Variants in FIP1L1 observed in about 807,000 individuals in gnomAD.
FIP1L1 encodes pre-mRNA 3'-end-processing factor FIP1.
In FIP1L1, 21 loss-of-function variants were observed where a neutral mutation model predicts 84.6. The observed-to-expected ratio is 0.25, with a 90% CI of 0.18 to 0.36. The LOEUF is 0.36. Ranked by LOEUF, FIP1L1 falls within the 10% of genes least tolerant of loss-of-function variation. FIP1L1 has a pLI of 1.00. For missense variants in FIP1L1, 526 were observed against 751.1 expected (o/e 0.70, Z 3.50); for synonymous variants, 263 against 242.3 (o/e 1.09, Z -0.80).
intron 13 of FIP1L1, among the ~76,000 whole-genome samples, chr4:53,434,299 G>A (rs1314875926): frequency 2.0e-5 from 3 of 152,086 alleles, no homozygotes; most frequent in Non-Finnish European, 4.4e-5. Flanking sequence ...TTAGTGGGAA[G>A]TGGTCTTATT....
chr4:53,457,101 T>C (rs189593716), intron 16 of FIP1L1, among the ~76,000 whole-genome samples: 1 of 152,276 alleles, frequency 6.6e-6, no homozygotes, highest in East Asian at 1.9e-4. Flanking sequence ...CTGTCATTTA[T>C]TGAGTGCCTA....
chr4:53,389,269 T>G (rs367760451), intron 5 of FIP1L1, among the ~76,000 whole-genome samples: 24 of 152,314 alleles, frequency 1.6e-4, no homozygotes, highest in Middle Eastern at 3.4e-3. Context: ...CCACTAGATT[T>G]GACAACAAGT....
chr4:53,399,970 A>G (rs1749391948), intron 10 of FIP1L1, 131 bp downstream of exon 10: 2 of 605,260 alleles, frequency 3.3e-6, no homozygotes, highest in Non-Finnish European at 5.6e-6. Flanking sequence ...GTTTAGTACA[A>G]AATGAATTCT....
chr4:53,400,656 C>G (rs1165564071), intron 10 of FIP1L1, among the ~76,000 whole-genome samples: 1 of 152,160 alleles, frequency 6.6e-6, no homozygotes, highest in Non-Finnish European at 1.5e-5. Flanking sequence ...TTAGAATAAT[C>G]TAATGCAGGA....
Position 53,460,837 on chromosome 4 carries a change from G to GATAA in FIP1L1, c.*1392_*1395dup. The GATAA allele has an allele frequency of 3.7e-6, 5 of 1,353,734 alleles. No individual in the cohort carries two copies. Among genetic ancestry groups the GATAA allele is most frequent in the Non-Finnish European group, 5.1e-6 (5 of 982,144 alleles). 83.9% of individuals were successfully genotyped at this position (1,353,734 alleles called of 1,614,324 possible). A position where few individuals can be genotyped will look rare whatever the true frequency, so the allele number is the denominator to read the frequency against. On this transcript the variant is annotated 3_prime_UTR_variant, in exon 18 of 18. Transcript: ENST00000337488. ...TTTCTTTAAATATAAAAACTGACAA[G>GATAA]ATAAATATAGTGTTTCAACTTCTTA...
intron 11 of FIP1L1, among the ~76,000 whole-genome samples, chr4:53,420,977 C>T (rs963013082): frequency 1.3e-5 from 2 of 152,066 alleles, no homozygotes; most frequent in Non-Finnish European, 2.9e-5. Flanking sequence ...CAACTTTGAC[C>T]ATATTGGAAT....
intron 10 of FIP1L1, among the ~76,000 whole-genome samples, chr4:53,403,869 G>A (rs1336124463): frequency 2.0e-5 from 3 of 152,092 alleles, no homozygotes; most frequent in Non-Finnish European, 4.4e-5. Context: ...TCAGAAAGCC[G>A]TAGTGGATTA....
At chr4:53,444,969 G>T (rs1163175691) in intron 15 of FIP1L1, among the ~76,000 whole-genome samples, 1 of 152,082 alleles carries the variant, frequency 6.6e-6, no homozygotes, top group Non-Finnish European at 1.5e-5. Flanking sequence ...GGAGTTAGAG[G>T]GTGTCATGGG....
chr4:53,419,107 G>A (rs1761067976), intron 11 of FIP1L1, among the ~76,000 whole-genome samples: 1 of 152,122 alleles, frequency 6.6e-6, no homozygotes, highest in African/African-American at 2.4e-5. Context: ...ATGAAATTAA[G>A]CATAAATATG....
chr4:53,409,979 C>G (rs1756265263), intron 10 of FIP1L1, among the ~76,000 whole-genome samples: 1 of 152,262 alleles, frequency 6.6e-6, no homozygotes, highest in Non-Finnish European at 1.5e-5. Flanking sequence ...TTGGCTCGCC[C>G]ATGGTGCGCT....
chr4:53,412,708 C>T (rs1757753750), intron 10 of FIP1L1, among the ~76,000 whole-genome samples: 1 of 151,946 alleles, frequency 6.6e-6, no homozygotes, highest in African/African-American at 2.4e-5. Context: ...AATTCTAATG[C>T]CTTAGTTGTG....
intron 11 of FIP1L1, among the ~76,000 whole-genome samples, chr4:53,425,189 A>G (rs892308166): frequency 1.1e-4 from 16 of 152,256 alleles, no homozygotes; most frequent in African/African-American, 3.4e-4. Context: ...TTATCTGCAT[A>G]ATAGCTTTTA....
intron 15 of FIP1L1, among the ~76,000 whole-genome samples, chr4:53,451,225 C>A (rs1715716627): frequency 6.6e-6 from 1 of 151,950 alleles, no homozygotes; most frequent in Non-Finnish European, 1.5e-5. Flanking sequence ...CCCACCTCTG[C>A]CTCCCAAAGT....
Position 53,385,994 on chromosome 4 carries a change from A to G in FIP1L1, c.332+2118A>G, listed in dbSNP as rs1740834296. On this transcript the variant is annotated intron_variant, in intron 5 of 17. Coordinates refer to ENST00000337488, the MANE Select transcript of FIP1L1 (RefSeq NM_030917.4). ...TTTAAAGAACAAACTGTGTCCAAGG[A>G]CTGAATTGATTTATTGTAAATTGTT... 2.0e-5 allele frequency among the ~76,000 whole-genome samples: 3 copies of G among 151,930 alleles called. No individual in the cohort carries two copies. The South Asian group carries it at 6.2e-4, about 32-fold the overall frequency.
In FIP1L1 at chr4:53,460,839, TA is replaced by T; in HGVS notation, c.*1393del. Reference sequence around the variant, plus strand: ...TCTTTAAATATAAAAACTGACAAGATAAATATAGTGTTTCAACTTCTTAGCC... The same window carrying T: ...TCTTTAAATATAAAAACTGACAAGATAATATAGTGTTTCAACTTCTTAGCC... On this transcript the variant is annotated 3_prime_UTR_variant, in exon 18 of 18. Transcript: ENST00000337488. 1 of 1,370,896 alleles carries T rather than the reference TA, an allele frequency of 7.3e-7. No homozygotes were observed. The highest frequency in any genetic ancestry group is 1.0e-6 in the Non-Finnish European group (1 of 994,572). The allele number at this position is 1,370,896 out of a possible 1,614,324, so 84.9% of individuals were successfully genotyped here.
intron 10 of FIP1L1, among the ~76,000 whole-genome samples, chr4:53,405,191 T>C (rs1291480071): frequency 2.0e-5 from 3 of 152,128 alleles, no homozygotes; most frequent in African/African-American, 7.2e-5. Flanking sequence ...TTGTATAAGG[T>C]GTAAGGAAGG....
At chr4:53,427,778 T>A (rs1156384069) in intron 12 of FIP1L1, among the ~76,000 whole-genome samples, 1 of 152,214 alleles carries the variant, frequency 6.6e-6, no homozygotes, top group African/African-American at 2.4e-5. Flanking sequence ...AAATTTTTGG[T>A]AATGATCCAG....
intron 9 of FIP1L1, among the ~76,000 whole-genome samples, chr4:53,394,242 A>T (rs756975582): frequency 6.6e-6 from 1 of 151,974 alleles, no homozygotes; most frequent in East Asian, 1.9e-4. Flanking sequence ...TCTGTTTTCA[A>T]CTTGATTATT....
intron 13 of FIP1L1, among the ~76,000 whole-genome samples, chr4:53,433,869 C>G (rs1767864855): frequency 1.3e-5 from 2 of 151,440 alleles, no homozygotes; most frequent in South Asian, 4.1e-4. Flanking sequence ...TCATCTAGTA[C>G]TACTAATTTC....
Sources: gnomAD v4.1 joint callset for allele counts (sites outside exome capture counted in the v4.1 genomes callset) on GRCh38, gnomAD v4.1.1 for gene constraint, MANE v1.5 for transcripts, NCBI Gene and HGNC (gene_info 2026-07-23, HGNC 2026-07-21) for gene names.